The following HIPK2 variants were observed in gnomAD, a reference collection of about 807,000 sequenced individuals.
HIPK2 encodes the protein homeodomain-interacting protein kinase 2.
A neutral mutation model predicts 113.7 loss-of-function variants in HIPK2; 27 were observed. The observed-to-expected ratio is 0.24, with a 90% confidence interval of 0.17 to 0.33. HIPK2 has a LOEUF of 0.33. Among genes scored for constraint, HIPK2 ranks in the 10% least tolerant of loss-of-function variants. The pLI is 1.00. For synonymous variants in HIPK2, 631 were observed against 642.2 expected, an observed-to-expected ratio of 0.98 and a Z score of 0.26; for missense variants, 1,257 against 1,588.0, an observed-to-expected ratio of 0.79 and a Z score of 3.54.
At chr7:139,586,393 T>C (rs745322871) in intron 12 of HIPK2, among the ~76,000 whole-genome samples, 11 of 152,090 alleles carry the variant, frequency 7.2e-5, no homozygotes, top group African/African-American at 1.9e-4. Context: ...TACCAAGAGG[T>C]AGAAACGACC....
At chr7:139,682,427 T>C (rs899771196) in intron 2 of HIPK2, among the ~76,000 whole-genome samples, 3 of 152,186 alleles carry the variant, frequency 2.0e-5, no homozygotes, top group African/African-American at 7.2e-5. Flanking sequence ...AAGGGCTCTG[T>C]TGAGGCACCT....
intron 13 of HIPK2, among the ~76,000 whole-genome samples, chr7:139,582,314 C>G (rs1162519092): frequency 6.6e-6 from 1 of 152,252 alleles, no homozygotes; most frequent in African/African-American, 2.4e-5. Context: ...CTCGCCCTGG[C>G]ATGTGGCACT....
rs543214321 is a variant in HIPK2 at position 139,672,494 on chromosome 7, T to C, written c.1104-40769A>G. ...TAACTTTTTTTTTTGAGATGGAGTT[T>C]CGCTCTTGTAGCTCCAGCTGGAGTG... On this transcript the variant is annotated intron_variant, in intron 2 of 14. Coordinates refer to ENST00000406875, the MANE Select transcript of HIPK2 (RefSeq NM_022740.5). Among the ~76,000 whole-genome samples, 14 of 152,298 alleles carry C rather than the reference T, an allele frequency of 9.2e-5. No homozygotes were observed. In the East Asian group the frequency reaches 2.7e-3, roughly 29 times the overall value.
intron 2 of HIPK2, among the ~76,000 whole-genome samples, chr7:139,700,762 C>T (rs1794684754): frequency 6.6e-6 from 1 of 152,166 alleles, no homozygotes; most frequent in Non-Finnish European, 1.5e-5. Context: ...TTCCTATGCT[C>T]TCACTCAAAC....
intron 2 of HIPK2, among the ~76,000 whole-genome samples, chr7:139,708,542 C>G (rs904936256): frequency 6.6e-6 from 1 of 152,194 alleles, no homozygotes; most frequent in African/African-American, 2.4e-5. Context: ...CTACCTTGAG[C>G]CCAAGAGTAG....
At chr7:139,675,845 G>A (rs1585365416) in intron 2 of HIPK2, among the ~76,000 whole-genome samples, 3 of 152,132 alleles carry the variant, frequency 2.0e-5, no homozygotes, top group Admixed American at 2.0e-4. Context: ...GCTTAGATAA[G>A]ACTCAAAATG....
intron 12 of HIPK2, among the ~76,000 whole-genome samples, chr7:139,590,335 C>T (rs4732389): frequency 0.24 from 35,824 of 151,982 alleles, 5,712 homozygotes; most frequent in African/African-American, 0.46. Flanking sequence ...TTCATCATTT[C>T]AAAATGATGA....
At chr7:139,629,265 G>A (rs1800533118) in intron 4 of HIPK2, among the ~76,000 whole-genome samples, 1 of 152,088 alleles carries the variant, frequency 6.6e-6, no homozygotes, top group Non-Finnish European at 1.5e-5. Flanking sequence ...TCCGGGTCAG[G>A]TATGGAGCAG....
chr7:139,746,225 C>T (rs1004702029), intron 1 of HIPK2, among the ~76,000 whole-genome samples: 1 of 152,210 alleles, frequency 6.6e-6, no homozygotes, highest in Admixed American at 6.5e-5. Flanking sequence ...CCAAGTGAGA[C>T]ACCCACTGTC....
intron 2 of HIPK2, among the ~76,000 whole-genome samples, chr7:139,633,919 T>C (rs941157532): frequency 1.3e-5 from 2 of 149,218 alleles, no homozygotes; most frequent in African/African-American, 5.0e-5. Flanking sequence ...TACTCCAGCC[T>C]GGGTGACAGA....
At chr7:139,669,234 A>T (rs1189141302) in intron 2 of HIPK2, among the ~76,000 whole-genome samples, 4 of 152,194 alleles carry the variant, frequency 2.6e-5, no homozygotes, top group Non-Finnish European at 4.4e-5. Context: ...TAGGGGGTCA[A>T]CTGTGTACTC....
At position 139,633,116 on chromosome 7, in the gene HIPK2, AAAAG is replaced by A. The variant is rs1312921188; in HGVS notation, c.1104-1395_1104-1392del. 7.0e-3 allele frequency among the ~76,000 whole-genome samples: 789 copies of A among 113,166 alleles called. 26 individuals are homozygous for A. The highest frequency in any genetic ancestry group is 0.015 in the African/African-American group (359 of 23,544). 74.2% of individuals were successfully genotyped at this position (113,166 alleles called of 152,430 possible). A position where few individuals can be genotyped will look rare whatever the true frequency, so the allele number is the denominator to read the frequency against. ...GTCTCAAAAAAAAAAAAAAAAAAAAAAAAGAAAGAAAGTAGCTCAAGGCATTCTG... is the reference window on the plus strand; with the variant it reads ...GTCTCAAAAAAAAAAAAAAAAAAAAAAAAGAAAGTAGCTCAAGGCATTCTG... On this transcript the variant is annotated intron_variant, in intron 2 of 14. Transcript: ENST00000406875.
At chr7:139,725,731 A>C (rs550142004) in intron 1 of HIPK2, among the ~76,000 whole-genome samples, 2 of 152,194 alleles carry the variant, frequency 1.3e-5, no homozygotes, top group Non-Finnish European at 2.9e-5. Context: ...TTTGCTCTCT[A>C]TATGTCAGAC....
chr7:139,747,748 C>T (rs373636231), intron 1 of HIPK2, among the ~76,000 whole-genome samples: 7 of 152,350 alleles, frequency 4.6e-5, no homozygotes, highest in Non-Finnish European at 7.3e-5. Context: ...CAGGCACCCC[C>T]GGTTTTTCCC....
At chr7:139,732,097 A>G (rs1364009377) in intron 1 of HIPK2, among the ~76,000 whole-genome samples, 1 of 152,268 alleles carries the variant, frequency 6.6e-6, no homozygotes, top group Non-Finnish European at 1.5e-5. Context: ...ATTGGAGCAC[A>G]CTAAGAATAA....
intron 2 of HIPK2, among the ~76,000 whole-genome samples, chr7:139,676,328 T>C (rs1448880140): frequency 2.6e-5 from 4 of 152,180 alleles, no homozygotes; most frequent in Non-Finnish European, 5.9e-5. Context: ...GAACTTCTGG[T>C]TGCCCTCCTG....
chr7:139,709,532 G>A (rs963045238), intron 2 of HIPK2, among the ~76,000 whole-genome samples: 6 of 152,210 alleles, frequency 3.9e-5, no homozygotes, highest in Non-Finnish European at 8.8e-5. Context: ...ATCATGGAGG[G>A]TTCCCAGTTT....
At position 139,635,526 on chromosome 7, in the gene HIPK2, C is replaced by T. The variant is rs137914174; in HGVS notation, c.1104-3801G>A. ...AGGAAACACCAGACATAGATTTTGA[C>T]GACTGACGTGACATGAACGGGGCCT... On this transcript the variant is annotated intron_variant, in intron 2 of 14. Transcript: ENST00000406875. Among the ~76,000 whole-genome samples the T allele has an allele frequency of 1.5e-3, 235 of 152,266 alleles. 2 individuals are homozygous for T. Among genetic ancestry groups the T allele is most frequent in the African/African-American group, 5.5e-3 (229 of 41,544 alleles).
In HIPK2 at chr7:139,696,745, GA is replaced by G. The variant is rs1207826481; in HGVS notation, c.1103+19186del. Reference sequence around the variant, plus strand: ...GGGCGGGGTGAAAAGAGTAAAGGGGGAAGAGTCACACAGGCTGAAAGGAACA... The same window carrying G: ...GGGCGGGGTGAAAAGAGTAAAGGGGGAGAGTCACACAGGCTGAAAGGAACA... On this transcript the variant is annotated intron_variant, in intron 2 of 14. Transcript: ENST00000406875. Among the ~76,000 whole-genome samples, 400 of 152,226 alleles carry G rather than the reference GA, an allele frequency of 2.6e-3. 2 individuals carry two copies. Among genetic ancestry groups the G allele is most frequent in the Non-Finnish European group, 2.8e-3 (190 of 68,008 alleles).
Sources: gnomAD v4.1 joint callset for allele counts (sites outside exome capture counted in the v4.1 genomes callset) on GRCh38, gnomAD v4.1.1 for gene constraint, MANE v1.5 for transcripts, NCBI Gene and HGNC (gene_info 2026-07-23, HGNC 2026-07-21) for gene names.